MSRA: variants seen among roughly 807,000 people sequenced by gnomAD.
MSRA encodes the protein mitochondrial peptide methionine sulfoxide reductase.
MSRA carries 54 observed loss-of-function variants against 31.3 expected under a neutral mutation model. The ratio of observed to expected loss-of-function variants is 1.73; its 90% CI spans 1.39 to 2.17. The LOEUF is 2.17. MSRA is among the 30% of genes most tolerant of loss of function. MSRA has a pLI of 0.00. For synonymous variants in MSRA, 169 were observed against 116.5 expected (o/e 1.45, Z -2.90); for missense variants, 507 against 300.9 (o/e 1.69, Z -5.07).
chr8:10,351,764 T>G (rs752777138), intron 5 of MSRA, among the ~76,000 whole-genome samples: 58 of 152,338 alleles, frequency 3.8e-4, no homozygotes, highest in Admixed American at 1.6e-3. Context: ...TCTCAAACTT[T>G]CATGTTCACC....
intron 5 of MSRA, among the ~76,000 whole-genome samples, chr8:10,386,970 G>A (rs977202806): frequency 1.3e-5 from 2 of 151,838 alleles, no homozygotes; most frequent in Non-Finnish European, 2.9e-5. Flanking sequence ...AGCAGTGCCT[G>A]TCAAATATTG....
At chr8:10,382,195 C>T (rs553118320) in intron 5 of MSRA, among the ~76,000 whole-genome samples, 9 of 152,300 alleles carry the variant, frequency 5.9e-5, no homozygotes, top group African/African-American at 1.9e-4. Flanking sequence ...TTAGTTTCAG[C>T]AGATGAGGCT....
intron 5 of MSRA, among the ~76,000 whole-genome samples, chr8:10,362,865 C>A (rs1302372800): frequency 6.6e-6 from 1 of 151,946 alleles, no homozygotes; most frequent in Non-Finnish European, 1.5e-5. Flanking sequence ...TCCCTCCTGG[C>A]CCCAGCTCTC....
At chr8:10,320,042 A>G in intron 5 of MSRA, 53 bp downstream of exon 5, 1 of 1,225,042 alleles carries the variant, frequency 8.2e-7, no homozygotes, top group East Asian at 2.5e-5. Flanking sequence ...GACTAGGGCC[A>G]GGTTCTGATT....
At chr8:10,112,018 C>CT (rs1800326778) in intron 1 of MSRA, among the ~76,000 whole-genome samples, 1 of 146,230 alleles carries the variant, frequency 6.8e-6, no homozygotes, top group African/African-American at 2.4e-5. Flanking sequence ...CTTTATTTTT[C>CT]TTTTTAAGAC....
intron 2 of MSRA, among the ~76,000 whole-genome samples, chr8:10,243,178 G>T (rs1047323283): frequency 1.3e-5 from 2 of 152,138 alleles, no homozygotes; most frequent in South Asian, 2.1e-4. Flanking sequence ...AAGGATTCTG[G>T]TGCTCTCTGG....
intron 1 of MSRA, among the ~76,000 whole-genome samples, chr8:10,080,892 C>G (rs994270022): frequency 2.0e-5 from 3 of 152,116 alleles, no homozygotes; most frequent in African/African-American, 7.2e-5. Flanking sequence ...TTGCTAAAGA[C>G]TAGTGTTTCT....
chr8:10,383,923 C>T (rs892267157), intron 5 of MSRA, among the ~76,000 whole-genome samples: 1 of 152,156 alleles, frequency 6.6e-6, no homozygotes, highest in Non-Finnish European at 1.5e-5. Flanking sequence ...CCAGGACATT[C>T]CTCATACGCT....
intron 2 of MSRA, among the ~76,000 whole-genome samples, chr8:10,226,103 G>GA (rs1338645647): frequency 6.6e-6 from 1 of 152,182 alleles, no homozygotes; most frequent in African/African-American, 2.4e-5. Flanking sequence ...TAGTGGCAGG[G>GA]AACCACGGCT....
chr8:10,352,863 T>G (rs892318623), intron 5 of MSRA, among the ~76,000 whole-genome samples: 4 of 152,142 alleles, frequency 2.6e-5, no homozygotes, highest in Non-Finnish European at 5.9e-5. Context: ...CCTGGCTATA[T>G]TTTTCTTTTA....
intron 1 of MSRA, among the ~76,000 whole-genome samples, chr8:10,147,895 G>A (rs1039628801): frequency 6.6e-6 from 1 of 152,166 alleles, no homozygotes; most frequent in African/African-American, 2.4e-5. Context: ...CACAACAACC[G>A]TGTTCCTCAG....
intron 2 of MSRA, among the ~76,000 whole-genome samples, chr8:10,215,866 G>A (rs988465432): frequency 5.9e-5 from 9 of 152,134 alleles, no homozygotes; most frequent in East Asian, 1.9e-4. Flanking sequence ...TTTTGACAAC[G>A]AGAAAGATTT....
chr8:10,328,100 A>T (rs906826434), intron 5 of MSRA, among the ~76,000 whole-genome samples: 3 of 130,752 alleles, frequency 2.3e-5, no homozygotes, highest in East Asian at 4.5e-4. Context: ...TTTAGGGTCT[A>T]GAACTACCCT....
At chr8:10,081,635 G>A (rs1356357757) in intron 1 of MSRA, among the ~76,000 whole-genome samples, 3 of 152,058 alleles carry the variant, frequency 2.0e-5, no homozygotes, top group Non-Finnish European at 4.4e-5. Flanking sequence ...ACTTATAGGC[G>A]CCCACAACGA....
chr8:10,327,730 G>T (rs1388839064), intron 5 of MSRA, among the ~76,000 whole-genome samples: 1 of 152,110 alleles, frequency 6.6e-6, no homozygotes, highest in Non-Finnish European at 1.5e-5. Flanking sequence ...TCAGGAGATC[G>T]AGACTATCCT....
Position 10,406,762 on chromosome 8 carries a change from T to C in MSRA, c.544-21386T>C, listed in dbSNP as rs949495395. On this transcript the variant is annotated intron_variant, in intron 5 of 5. Coordinates refer to ENST00000317173, the MANE Select transcript of MSRA (RefSeq NM_012331.5). ...TCCAAAAAGTGCAATTTTCCATATT[T>C]CTGAAAAGTCATGTTGTTTGGCCCA... 1.4e-4 allele frequency among the ~76,000 whole-genome samples: 22 copies of C among 152,350 alleles called. No individual in the cohort carries two copies. The East Asian group carries it at 1.9e-3, about 13-fold the overall frequency.
intron 4 of MSRA, among the ~76,000 whole-genome samples, chr8:10,303,782 C>A (rs902647091): frequency 6.6e-6 from 1 of 152,194 alleles, no homozygotes; most frequent in Non-Finnish European, 1.5e-5. Flanking sequence ...CGTCAGGAAC[C>A]TCTACTCAGC....
intron 5 of MSRA, among the ~76,000 whole-genome samples, chr8:10,335,167 T>A (rs763817434): frequency 1.3e-5 from 2 of 149,880 alleles, no homozygotes; most frequent in African/African-American, 4.9e-5. Flanking sequence ...CTCCATGGAA[T>A]GGGAAGCAGG....
At chr8:10,160,255 G>T (rs1205003736) in intron 1 of MSRA, among the ~76,000 whole-genome samples, 2 of 152,116 alleles carry the variant, frequency 1.3e-5, no homozygotes, top group African/African-American at 4.8e-5. Flanking sequence ...AGCACTTTGG[G>T]AGGCTGAGGT....
Sources: allele counts gnomAD v4.1 joint callset (sites outside exome capture counted in the v4.1 genomes callset), GRCh38; gene constraint gnomAD v4.1.1; transcripts MANE v1.5; gene names NCBI Gene and HGNC (gene_info 2026-07-23, HGNC 2026-07-21).